Variants in ISM1 observed in about 807,000 individuals in gnomAD.
ISM1 encodes isthmin 1.
A neutral mutation model predicts 46.3 loss-of-function variants in ISM1; 25 were observed. The observed-to-expected ratio is 0.54, with a 90% CI of 0.39 to 0.75. The LOEUF (loss-of-function observed/expected upper bound fraction) is 0.75. ISM1 is among the 30% of genes least tolerant of loss of function. ISM1 has a pLI of 0.00. For missense variants in ISM1, 536 were observed against 625.4 expected, an observed-to-expected ratio of 0.86 and a Z score of 1.52; for synonymous variants, 255 against 256.7, an observed-to-expected ratio of 0.99 and a Z score of 0.06.
chr20:13,237,609 C>T (rs1326970246), intron 1 of ISM1, among the ~76,000 whole-genome samples: 2 of 152,114 alleles, frequency 1.3e-5, no homozygotes, highest in Non-Finnish European at 1.5e-5. Context: ...TAATGTTTTG[C>T]CTCTTGATCT....
At chr20:13,253,889 A>T (rs900792559) in intron 1 of ISM1, among the ~76,000 whole-genome samples, 1 of 151,728 alleles carries the variant, frequency 6.6e-6, no homozygotes, top group Non-Finnish European at 1.5e-5. Flanking sequence ...GTGTGTGTGT[A>T]TGTTTATACA....
chr20:13,302,882 G>C (rs979573610), downstream of ISM1, among the ~76,000 whole-genome samples: 1 of 152,080 alleles, frequency 6.6e-6, no homozygotes, highest in Non-Finnish European at 1.5e-5. Context: ...CTTTCTCTTC[G>C]GACCCAGTTC....
chr20:13,273,726 C>A (rs1015326481), intron 2 of ISM1, among the ~76,000 whole-genome samples: 1 of 152,144 alleles, frequency 6.6e-6, no homozygotes. Context: ...AAAATTAATG[C>A]GGCTCCAGCC....
At chr20:13,236,180 C>T (rs1431302325) in intron 1 of ISM1, among the ~76,000 whole-genome samples, 1 of 152,188 alleles carries the variant, frequency 6.6e-6, no homozygotes, top group East Asian at 1.9e-4. Context: ...ACCTCGGCCT[C>T]CCAAAGTGCT....
intron 2 of ISM1, among the ~76,000 whole-genome samples, chr20:13,279,274 G>T (rs2123280300): frequency 6.6e-6 from 1 of 152,264 alleles, no homozygotes; most frequent in Middle Eastern, 3.4e-3. Context: ...CTGAGTGAAA[G>T]GCTTCTCAAT....
intron 1 of ISM1, among the ~76,000 whole-genome samples, chr20:13,233,321 C>T (rs1473097832): frequency 6.6e-6 from 1 of 152,006 alleles, no homozygotes; most frequent in Non-Finnish European, 1.5e-5. Flanking sequence ...TCCTGCCGGG[C>T]GCGGTGGCTC....
the ISM1 span, among the ~76,000 whole-genome samples, chr20:13,326,079 T>C: frequency 6.6e-6 from 1 of 152,222 alleles, no homozygotes; most frequent in Admixed American, 6.5e-5. Flanking sequence ...TACCTTTTTG[T>C]GAGTGGTTTC....
chr20:13,247,517 G>GGTGTGTGTGT (rs35224672), intron 1 of ISM1, among the ~76,000 whole-genome samples: 28 of 139,912 alleles, frequency 2.0e-4, no homozygotes, highest in African/African-American at 5.6e-4. Context: ...CAAAGTGAGG[G>GGTGTGTGTGT]GTGTGTGTGT....
At chr20:13,291,674 A>G (rs892367036) in intron 4 of ISM1, among the ~76,000 whole-genome samples, 6 of 152,158 alleles carry the variant, frequency 3.9e-5, no homozygotes, top group Admixed American at 2.6e-4. Context: ...CTCAGAGCAA[A>G]TTATGAGAAG....
At chr20:13,232,645 T>G (rs1419363340) in intron 1 of ISM1, among the ~76,000 whole-genome samples, 1 of 152,240 alleles carries the variant, frequency 6.6e-6, no homozygotes, top group Non-Finnish European at 1.5e-5. Context: ...GTGAATACTT[T>G]GGAGCAGAAT....
At chr20:13,247,170 T>A (rs112812844) in intron 1 of ISM1, among the ~76,000 whole-genome samples, 5,514 of 151,872 alleles carry the variant, frequency 0.036, 175 homozygotes, top group African/African-American at 0.077. Context: ...GGCAGAGGTT[T>A]CAGTGAGCCG....
At chr20:13,223,932 C>A (rs2039482272) in intron 1 of ISM1, among the ~76,000 whole-genome samples, 1 of 151,958 alleles carries the variant, frequency 6.6e-6, no homozygotes, top group African/African-American at 2.4e-5. Context: ...ATTAGAATAA[C>A]CCGGGGTTGG....
chr20:13,311,700 T>C, the ISM1 span, among the ~76,000 whole-genome samples: 2 of 152,176 alleles, frequency 1.3e-5, no homozygotes, highest in Non-Finnish European at 2.9e-5. Context: ...AGACAAATTC[T>C]GCGTGATCTC....
At chr20:13,228,157 G>A (rs2039549908) in intron 1 of ISM1, among the ~76,000 whole-genome samples, 1 of 151,638 alleles carries the variant, frequency 6.6e-6, no homozygotes, top group African/African-American at 2.4e-5. Context: ...ATTTTTAGTA[G>A]AGATGGAGTT....
chr20:13,320,393 A>G, the ISM1 span, among the ~76,000 whole-genome samples: 1 of 152,242 alleles, frequency 6.6e-6, no homozygotes, highest in Non-Finnish European at 1.5e-5. Flanking sequence ...AAACCAAAGG[A>G]CAGAACTTAG....
chr20:13,277,702 C>G (rs1191184102), intron 2 of ISM1, among the ~76,000 whole-genome samples: 1 of 149,962 alleles, frequency 6.7e-6, no homozygotes, highest in African/African-American at 2.5e-5. Context: ...TACAAATATG[C>G]AAAGGGTGCC....
intron 1 of ISM1, among the ~76,000 whole-genome samples, chr20:13,256,832 A>G (rs1263549444): frequency 6.6e-6 from 1 of 152,202 alleles, no homozygotes; most frequent in East Asian, 1.9e-4. Flanking sequence ...CCCAGTGGGA[A>G]GCTTTGAAAG....
chr20:13,321,253 TAAAA>T, the ISM1 span, among the ~76,000 whole-genome samples: 17 of 57,512 alleles, frequency 3.0e-4, no homozygotes, highest in African/African-American at 1.1e-3. Flanking sequence ...GTGCCCCACA[TAAAA>T]AAAAAAAAAA....
chr20:13,238,698 C>T (rs1339090227), intron 1 of ISM1, among the ~76,000 whole-genome samples: 1 of 152,194 alleles, frequency 6.6e-6, no homozygotes, highest in Non-Finnish European at 1.5e-5. Context: ...TTTGGCTTCA[C>T]ATGGAGTCTG....
Sources: allele counts gnomAD v4.1 joint callset (sites outside exome capture counted in the v4.1 genomes callset), GRCh38; gene constraint gnomAD v4.1.1; transcripts MANE v1.5; gene names NCBI Gene and HGNC (gene_info 2026-07-23, HGNC 2026-07-21).